Variants in TBPL1 observed in about 807,000 individuals in gnomAD.
TBPL1 encodes the protein TATA box-binding protein-like 1.
Under a neutral mutation model 22.1 loss-of-function variants are expected in TBPL1, and 4 were observed. That is an observed-to-expected ratio of 0.18 (90% CI 0.09 to 0.41). The LOEUF (loss-of-function observed/expected upper bound fraction) is 0.41, where lower values mean the gene tolerates loss of function less well. Among genes scored for constraint, TBPL1 ranks in the 10% least tolerant of loss-of-function variants. The pLI is 1.00. For synonymous variants in TBPL1, 64 were observed against 71.0 expected, an observed-to-expected ratio of 0.90 and a Z score of 0.50; for missense variants, 115 against 222.3, an observed-to-expected ratio of 0.52 and a Z score of 3.07.
chr6:133,960,037 C>A (rs910332634), intron 1 of TBPL1, among the ~76,000 whole-genome samples: 2 of 152,126 alleles, frequency 1.3e-5, no homozygotes, highest in African/African-American at 4.8e-5. Flanking sequence ...AGCGTTTTTC[C>A]TCTCACCTAC....
rs1177178019 is a variant in TBPL1 at position 133,984,562 on chromosome 6, G to A, written c.387-15G>A. On this transcript the variant is annotated splice_polypyrimidine_tract_variant and intron_variant, in intron 5 of 6. Coordinates refer to ENST00000237264, the MANE Select transcript of TBPL1 (RefSeq NM_004865.4). ...GGTATAAATATTTATATTAATTGTG[G>A]CTTATTTTGTGTAGTTACGAACCTG... 1 of 1,611,504 alleles carries A rather than the reference G, an allele frequency of 6.2e-7. No homozygotes were observed. Among genetic ancestry groups the A allele is most frequent in the South Asian group, 1.1e-5 (1 of 90,908 alleles).
chr6:133,969,354 AT>A (rs1282708215), intron 1 of TBPL1, among the ~76,000 whole-genome samples: 3 of 146,068 alleles, frequency 2.1e-5, no homozygotes, highest in Admixed American at 7.1e-5. Context: ...CTTAATATAG[AT>A]TTTTTTAACC....
intron 1 of TBPL1, among the ~76,000 whole-genome samples, chr6:133,979,784 T>C (rs1237725470): frequency 6.6e-6 from 1 of 151,988 alleles, no homozygotes; most frequent in Non-Finnish European, 1.5e-5. Context: ...GTAGCTGGGA[T>C]TACAGACATG....
intron 4 of TBPL1, among the ~76,000 whole-genome samples, chr6:133,984,037 C>G (rs1197065720): frequency 6.6e-6 from 1 of 152,114 alleles, no homozygotes; most frequent in Non-Finnish European, 1.5e-5. Context: ...GCAGGATGAC[C>G]TGGACTTAAA....
At chr6:133,965,202 T>C (rs372423983) in intron 1 of TBPL1, among the ~76,000 whole-genome samples, 2 of 152,368 alleles carry the variant, frequency 1.3e-5, no homozygotes, top group South Asian at 2.1e-4. Context: ...TTACAAATTA[T>C]AGTCACTTAC....
At chr6:133,952,948 G>T (rs1775858293), upstream of TBPL1, among the ~76,000 whole-genome samples, 1 of 152,162 alleles carries the variant, frequency 6.6e-6, no homozygotes, top group Non-Finnish European at 1.5e-5. The surrounding 1 kb of genome is among the most constrained non-coding windows in gnomAD (Gnocchi z 4.5). Flanking sequence ...AAACAAAAAA[G>T]TCTAGTCCGA....
At chr6:133,960,495 T>G (rs1247941775) in intron 1 of TBPL1, among the ~76,000 whole-genome samples, 1 of 151,622 alleles carries the variant, frequency 6.6e-6, no homozygotes, top group Non-Finnish European at 1.5e-5. Flanking sequence ...AAACTTCCAC[T>G]TCAGTGCGCA....
At chr6:133,964,436 G>GT (rs1019387582) in intron 1 of TBPL1, among the ~76,000 whole-genome samples, 8 of 147,296 alleles carry the variant, frequency 5.4e-5, no homozygotes, top group Non-Finnish European at 9.0e-5. Flanking sequence ...GTTTTGTTTT[G>GT]TTTTTTTGGG....
At chr6:133,959,658 T>C (rs928915403) in intron 1 of TBPL1, among the ~76,000 whole-genome samples, 1 of 152,040 alleles carries the variant, frequency 6.6e-6, no homozygotes, top group African/African-American at 2.4e-5. Flanking sequence ...TTTTTTTGTA[T>C]TTTTAGTAGA....
chr6:133,983,034 T>C, intron 4 of TBPL1, among the ~76,000 whole-genome samples, 154 bp downstream of exon 4: 1 of 152,232 alleles, frequency 6.6e-6, no homozygotes, highest in East Asian at 1.9e-4. Flanking sequence ...GTGTGAAAAT[T>C]AGTAGCAAAA....
chr6:133,973,448 TA>T (rs1776259376), intron 1 of TBPL1, among the ~76,000 whole-genome samples: 1 of 152,226 alleles, frequency 6.6e-6, no homozygotes, highest in South Asian at 2.1e-4. Context: ...AATTAGATTT[TA>T]GATTTATTTT....
chr6:133,985,356 G>T (rs1262285355), intron 6 of TBPL1, among the ~76,000 whole-genome samples: 1 of 113,252 alleles, frequency 8.8e-6, no homozygotes, highest in African/African-American at 3.6e-5. Flanking sequence ...ATATTTTCTG[G>T]TATATGTATC....
At position 133,982,502 on chromosome 6, in the gene TBPL1, T is replaced by C. The variant is rs532565219; in HGVS notation, c.136-66T>C. 6.5e-5 allele frequency: 90 copies of C among 1,381,946 alleles called. 1 individual carries two copies. In the African/African-American group the frequency reaches 1.1e-3, roughly 17 times the overall value. 85.6% of individuals were successfully genotyped at this position (1,381,946 alleles called of 1,614,324 possible). A position where few individuals can be genotyped will look rare whatever the true frequency, so the allele number is the denominator to read the frequency against. On this transcript the variant is annotated intron_variant, in intron 2 of 6. Coordinates refer to ENST00000237264, the MANE Select transcript of TBPL1 (RefSeq NM_004865.4). ...AGTAGTATTTGGACATTAATATGAC[T>C]ATATAGAACAGAACCTTATGTGAAA...
At chr6:133,954,732 C>A (rs1490664754) in intron 1 of TBPL1, among the ~76,000 whole-genome samples, 1 of 152,150 alleles carries the variant, frequency 6.6e-6, no homozygotes, top group Non-Finnish European at 1.5e-5. Context: ...GTTCCCCACC[C>A]CTTTTGTTAA....
rs191859225 is a variant in TBPL1, at chr6:133,989,606, A to G, written c.*2566A>G. ...CACCATGATAGAATTGAGATCTCCAATCTCCTTTCCTTTTAGCTTCCCCCT... is the reference window on the plus strand; with the variant it reads ...CACCATGATAGAATTGAGATCTCCAGTCTCCTTTCCTTTTAGCTTCCCCCT... On this transcript the variant is annotated 3_prime_UTR_variant, in exon 7 of 7. Transcript: ENST00000237264. The G allele has an allele frequency of 6.6e-5, 10 of 152,226 alleles. No homozygotes were observed. The highest frequency in any genetic ancestry group is 1.9e-4 in the African/African-American group (8 of 41,536). The allele number at this position is 152,226 out of a possible 1,614,324, so 9.4% of individuals were successfully genotyped here.
At chr6:133,964,697 C>T (rs1776088683) in intron 1 of TBPL1, among the ~76,000 whole-genome samples, 1 of 152,102 alleles carries the variant, frequency 6.6e-6, no homozygotes. Context: ...ATCCACCCGC[C>T]TCAGCTTCCC....
In TBPL1 at chr6:133,966,159, C is replaced by G. The variant is rs138204710; in HGVS notation, c.-45+12734C>G. Among the ~76,000 whole-genome samples, 1,352 of 152,160 alleles carry G rather than the reference C, an allele frequency of 8.9e-3. 15 individuals carry two copies. Among genetic ancestry groups the G allele is most frequent in the Middle Eastern group, 0.017 (5 of 294 alleles). On this transcript the variant is annotated intron_variant, in intron 1 of 6. Transcript: ENST00000237264. ...TAAGTAAACATTGCTTTTTAATAACCTCAAGCTTACAGTTAAACTCTGCAG... is the reference window on the plus strand; with the variant it reads ...TAAGTAAACATTGCTTTTTAATAACGTCAAGCTTACAGTTAAACTCTGCAG...
At chr6:133,965,726 A>G (rs918899328) in intron 1 of TBPL1, among the ~76,000 whole-genome samples, 1 of 152,168 alleles carries the variant, frequency 6.6e-6, no homozygotes, top group African/African-American at 2.4e-5. Context: ...ACTTGAAGGA[A>G]TATGATTTGC....
intron 1 of TBPL1, among the ~76,000 whole-genome samples, chr6:133,978,725 G>A (rs1263039433): frequency 6.6e-6 from 1 of 152,180 alleles, no homozygotes; most frequent in African/African-American, 2.4e-5. Context: ...TTATAGAGGT[G>A]TCAGAAGTCT....
Sources: gnomAD v4.1 joint callset for allele counts (sites outside exome capture counted in the v4.1 genomes callset) on GRCh38, gnomAD v4.1.1 for gene constraint, Gnocchi (gnomAD v3.1) non-coding constraint, MANE v1.5 for transcripts, NCBI Gene and HGNC (gene_info 2026-07-23, HGNC 2026-07-21) for gene names.